The following EYS variants were observed in gnomAD, a reference collection of about 807,000 sequenced individuals.
EYS encodes EGF-like photoreceptor maintenance factor.
In EYS, 250 loss-of-function variants were observed where a neutral mutation model predicts 282.1. The observed-to-expected ratio is 0.89, with a 90% CI of 0.80 to 0.98. The LOEUF is 0.98. EYS is among the 50% of genes least tolerant of loss of function. The pLI is 0.00. For missense variants in EYS, 4,016 were observed against 3,709.0 expected, an observed-to-expected ratio of 1.08 and a Z score of -2.15; for synonymous variants, 1,355 against 1,282.9, an observed-to-expected ratio of 1.06 and a Z score of -1.20.
chr6:64,091,176 A>G (rs772256055), intron 31 of EYS, among the ~76,000 whole-genome samples: 6 of 152,320 alleles, frequency 3.9e-5, no homozygotes, highest in Admixed American at 3.3e-4. Context: ...CCATTAATAT[A>G]CTTAAAGCAT....
At chr6:64,601,793 C>T (rs1448444952) in intron 24 of EYS, among the ~76,000 whole-genome samples, 1 of 152,040 alleles carries the variant, frequency 6.6e-6, no homozygotes, top group Non-Finnish European at 1.5e-5. Context: ...TTCTGACTCT[C>T]AACCTAACCT....
chr6:65,499,355 G>C (rs1766367357), intron 2 of EYS, among the ~76,000 whole-genome samples: 1 of 151,978 alleles, frequency 6.6e-6, no homozygotes, highest in Non-Finnish European at 1.5e-5. Flanking sequence ...TTCAATTAAA[G>C]ATAGTTGAGT....
chr6:65,686,558 C>A (rs1391775090), intron 1 of EYS, among the ~76,000 whole-genome samples: 5 of 152,040 alleles, frequency 3.3e-5, no homozygotes, highest in African/African-American at 1.2e-4. Context: ...ACATATATAA[C>A]ATATGCTCAC....
intron 12 of EYS, among the ~76,000 whole-genome samples, chr6:65,096,854 G>A (rs1774753838): frequency 6.6e-6 from 1 of 150,910 alleles, no homozygotes; most frequent in Non-Finnish European, 1.5e-5. Context: ...AACTCAAATT[G>A]GGTGAAAAAC....
chr6:65,368,571 C>T (rs1291441968), intron 8 of EYS, among the ~76,000 whole-genome samples: 1 of 151,624 alleles, frequency 6.6e-6, no homozygotes, highest in African/African-American at 2.4e-5. Flanking sequence ...AACATGAATC[C>T]TGTGAAAGAT....
rs542354017 is a variant in EYS, at chr6:64,054,343, C to T, written c.6725+11995G>A. Among the ~76,000 whole-genome samples, 82 of 151,962 alleles carry T rather than the reference C, an allele frequency of 5.4e-4. 1 individual carries two copies. The highest frequency in any genetic ancestry group is 1.9e-3 in the African/African-American group (79 of 41,414). On this transcript the variant is annotated intron_variant, in intron 33 of 42. Transcript: ENST00000503581. ...AAGGTACAATTTCATAGAAAAAAAA[C>T]CCAGAATATTTAGGAAGGAGCTGTA...
chr6:64,906,243 A>G (rs1224209822), intron 16 of EYS, among the ~76,000 whole-genome samples: 1 of 151,794 alleles, frequency 6.6e-6, no homozygotes, highest in African/African-American at 2.4e-5. Context: ...ATAGTCTCTA[A>G]TAAGATTTTT....
At chr6:64,851,309 G>A (rs1380200579) in intron 19 of EYS, among the ~76,000 whole-genome samples, 1 of 151,912 alleles carries the variant, frequency 6.6e-6, no homozygotes, top group Non-Finnish European at 1.5e-5. Context: ...TGGCTCCTTT[G>A]TTTCGTGATT....
chr6:63,870,012 C>A (rs1772762511), intron 35 of EYS, among the ~76,000 whole-genome samples: 1 of 152,060 alleles, frequency 6.6e-6, no homozygotes, highest in Non-Finnish European at 1.5e-5. Flanking sequence ...GTAAAATTAG[C>A]CAGTCTCCAG....
chr6:64,233,198 A>G, intron 30 of EYS, among the ~76,000 whole-genome samples: 1 of 152,224 alleles, frequency 6.6e-6, no homozygotes, highest in East Asian at 1.9e-4. Flanking sequence ...CACAAAAATA[A>G]TTGCTATCAA....
At chr6:63,822,277 C>A (rs1316667687) in intron 36 of EYS, 2 of 152,138 alleles carry the variant, frequency 1.3e-5, no homozygotes, top group Admixed American at 6.6e-5. Context: ...CCATGCCCAG[C>A]TAATTTTTAT....
At chr6:65,335,652 C>T (rs1334567088) in intron 10 of EYS, among the ~76,000 whole-genome samples, 1 of 151,618 alleles carries the variant, frequency 6.6e-6, no homozygotes, top group Non-Finnish European at 1.5e-5. Context: ...TACATGTTTA[C>T]TCATTGAACA....
chr6:65,700,492 T>C (rs1200520003), intron 1 of EYS, among the ~76,000 whole-genome samples: 1 of 152,232 alleles, frequency 6.6e-6, no homozygotes, highest in Non-Finnish European at 1.5e-5. Flanking sequence ...ACTTTAATTA[T>C]TTTAACTTTT....
chr6:64,406,222 T>C (rs539717450), intron 28 of EYS, among the ~76,000 whole-genome samples: 43 of 152,334 alleles, frequency 2.8e-4, no homozygotes, highest in African/African-American at 1.0e-3. Context: ...AATGATTCCC[T>C]ATTTAATAAA....
intron 29 of EYS, among the ~76,000 whole-genome samples, chr6:64,336,937 C>T (rs534457682): frequency 6.6e-5 from 10 of 151,966 alleles, no homozygotes; most frequent in South Asian, 2.1e-4. Flanking sequence ...ACGACAATGA[C>T]GACACAACCT....
intron 35 of EYS, among the ~76,000 whole-genome samples, chr6:63,927,312 C>A (rs1490609453): frequency 1.3e-5 from 2 of 152,176 alleles, no homozygotes; most frequent in Non-Finnish European, 2.9e-5. Context: ...GTCATGTTGG[C>A]TGACTTTGGG....
intron 2 of EYS, among the ~76,000 whole-genome samples, chr6:65,595,648 T>TA (rs1765378504): frequency 1.1e-4 from 11 of 102,540 alleles, no homozygotes; most frequent in Non-Finnish European, 2.0e-4. Flanking sequence ...CTCTTTTATC[T>TA]CAAAAAAAAA....
In EYS at chr6:63,953,548, T is replaced by C. The variant is rs182333898; in HGVS notation, c.7055+30835A>G. On this transcript the variant is annotated intron_variant, in intron 35 of 42. Coordinates refer to ENST00000503581, the MANE Select transcript of EYS (RefSeq NM_001142800.2). ...TGGCTAAACTCCAAAACCCCAACCC[T>C]TTCTACAAAACAACAACTCCTTTCC... Among the ~76,000 whole-genome samples the C allele has an allele frequency of 5.3e-5, 8 of 152,302 alleles. No individual in the cohort carries two copies. The East Asian group carries it at 1.5e-3, about 29-fold the overall frequency.
At chr6:65,380,049 G>T (rs768358011) in intron 8 of EYS, among the ~76,000 whole-genome samples, 2 of 151,944 alleles carry the variant, frequency 1.3e-5, no homozygotes, top group African/African-American at 2.4e-5. Context: ...ACTGCCCAAA[G>T]AAATTTATAG....
Sources: gnomAD v4.1 joint callset for allele counts (sites outside exome capture counted in the v4.1 genomes callset) on GRCh38, gnomAD v4.1.1 for gene constraint, MANE v1.5 for transcripts, NCBI Gene and HGNC (gene_info 2026-07-23, HGNC 2026-07-21) for gene names.